The following RAB3C variants were observed in gnomAD, a reference collection of about 807,000 sequenced individuals.
RAB3C encodes the protein RAB3C, member RAS oncogene family, also known as ras-related protein Rab-3C.
In RAB3C, 17 loss-of-function variants were observed where a neutral mutation model predicts 26.4. That is an observed-to-expected ratio of 0.64 (90% CI 0.44 to 0.97). RAB3C has a LOEUF of 0.97. Among genes scored for constraint, RAB3C ranks in the 50% least tolerant of loss-of-function variants. RAB3C has a pLI of 0.00. For synonymous variants in RAB3C, 91 were observed against 95.9 expected, an observed-to-expected ratio of 0.95 and a Z score of 0.30; for missense variants, 242 against 281.9, an observed-to-expected ratio of 0.86 and a Z score of 1.01.
At chr5:58,745,392 CAAAAAAA>C (rs1173604247) in intron 3 of RAB3C, among the ~76,000 whole-genome samples, 425 of 33,102 alleles carry the variant, frequency 0.013, 2 homozygotes, top group African/African-American at 0.033. Flanking sequence ...GACTCTGCTT[CAAAAAAA>C]AAAAAAAAAA....
intron 1 of RAB3C, among the ~76,000 whole-genome samples, chr5:58,597,155 A>ATAGATAATACATTATC (rs1746325388): frequency 4.1e-5 from 2 of 49,278 alleles, no homozygotes; most frequent in Non-Finnish European, 8.6e-5. Context: ...ACTACATAAT[A>ATAGATAATACATTATC]TATATTATAT....
At chr5:58,617,587 A>G (rs2111722403) in intron 1 of RAB3C, 56 bp from the exon 2 acceptor site, 2 of 1,305,846 alleles carry the variant, frequency 1.5e-6, no homozygotes, top group Middle Eastern at 1.8e-4. Context: ...CTTCATATCA[A>G]ATGAGAGTCT....
chr5:58,845,564 A>T (rs1479755609), intron 4 of RAB3C, among the ~76,000 whole-genome samples: 2 of 142,360 alleles, frequency 1.4e-5, no homozygotes, highest in African/African-American at 5.4e-5. Context: ...GGCAACGTAC[A>T]TTCTCATTCA....
At chr5:58,776,499 T>C (rs1260370279) in intron 3 of RAB3C, among the ~76,000 whole-genome samples, 1 of 152,132 alleles carries the variant, frequency 6.6e-6, no homozygotes, top group Non-Finnish European at 1.5e-5. Flanking sequence ...AGCTTCAAAC[T>C]CCTTTTTCTA....
intron 3 of RAB3C, among the ~76,000 whole-genome samples, chr5:58,793,712 C>A (rs1742581305): frequency 6.6e-6 from 1 of 151,862 alleles, no homozygotes; most frequent in African/African-American, 2.4e-5. Flanking sequence ...AACCTTATCT[C>A]TGGAGAGACT....
intron 1 of RAB3C, among the ~76,000 whole-genome samples, chr5:58,586,137 AT>A (rs982583937): frequency 2.0e-5 from 3 of 152,076 alleles, no homozygotes; most frequent in African/African-American, 7.2e-5. Flanking sequence ...GTATAAAACA[AT>A]TTTTATATGT....
chr5:58,606,277 A>G (rs1239491298), intron 1 of RAB3C, among the ~76,000 whole-genome samples: 2 of 152,116 alleles, frequency 1.3e-5, no homozygotes, highest in South Asian at 4.1e-4. Context: ...TCCCACACCA[A>G]CGCAGCCTTG....
intron 2 of RAB3C, among the ~76,000 whole-genome samples, chr5:58,675,584 G>C (rs1270975308): frequency 6.7e-6 from 1 of 150,196 alleles, no homozygotes; most frequent in Non-Finnish European, 1.5e-5. Context: ...TCCCAACACA[G>C]CGTCAGCATC....
At chr5:58,671,950 A>G (rs1393093494) in intron 2 of RAB3C, among the ~76,000 whole-genome samples, 2 of 152,196 alleles carry the variant, frequency 1.3e-5, no homozygotes, top group Admixed American at 6.5e-5. Flanking sequence ...TCTAGAAAAA[A>G]AACTTTAATT....
chr5:58,629,091 A>G (rs1183844674), intron 2 of RAB3C, among the ~76,000 whole-genome samples: 1 of 151,912 alleles, frequency 6.6e-6, no homozygotes, highest in African/African-American at 2.4e-5. Flanking sequence ...TAATTTTTAA[A>G]AACACTTGAA....
chr5:58,753,908 A>C (rs1741590244), intron 3 of RAB3C, among the ~76,000 whole-genome samples: 2 of 152,140 alleles, frequency 1.3e-5, no homozygotes, highest in Admixed American at 6.5e-5. Flanking sequence ...TAGCCCTTTA[A>C]ATATTGCAAC....
intron 4 of RAB3C, among the ~76,000 whole-genome samples, chr5:58,831,497 A>G (rs893990815): frequency 2.0e-5 from 3 of 152,234 alleles, no homozygotes; most frequent in South Asian, 2.1e-4. Flanking sequence ...AATTCTTGGT[A>G]TCTCACTCTA....
intron 1 of RAB3C, among the ~76,000 whole-genome samples, chr5:58,599,506 C>T (rs1746403151): frequency 6.6e-6 from 1 of 152,132 alleles, no homozygotes; most frequent in African/African-American, 2.4e-5. Context: ...AATCCTCTCT[C>T]TGTGTTCTGG....
chr5:58,772,943 A>T (rs190161015), intron 3 of RAB3C, among the ~76,000 whole-genome samples: 138 of 152,292 alleles, frequency 9.1e-4, no homozygotes, highest in African/African-American at 3.1e-3. Context: ...GGTTTTAGGT[A>T]GGAAGGAAGA....
intron 3 of RAB3C, among the ~76,000 whole-genome samples, chr5:58,754,966 G>A (rs1205109057): frequency 1.3e-5 from 2 of 151,212 alleles, no homozygotes; most frequent in African/African-American, 4.9e-5. Context: ...ACTTGGGCAA[G>A]GAAACAAACA....
chr5:58,732,601 G>A, intron 3 of RAB3C, among the ~76,000 whole-genome samples: 1 of 152,054 alleles, frequency 6.6e-6, no homozygotes, highest in East Asian at 1.9e-4. Context: ...GAGTTCTTGT[G>A]GTCTCAAATG....
chr5:58,733,687 G>GAAAT (rs1450686248), intron 3 of RAB3C, among the ~76,000 whole-genome samples: 5 of 152,270 alleles, frequency 3.3e-5, no homozygotes, highest in African/African-American at 1.2e-4. Flanking sequence ...AGTAAGTATA[G>GAAAT]AAATACCAGA....
intron 2 of RAB3C, among the ~76,000 whole-genome samples, chr5:58,721,491 C>A (rs1391727142): frequency 6.6e-6 from 1 of 151,734 alleles, no homozygotes; most frequent in Non-Finnish European, 1.5e-5. Flanking sequence ...GAAAAGATAC[C>A]ATTTTAGTTA....
intron 3 of RAB3C, among the ~76,000 whole-genome samples, chr5:58,817,767 A>G (rs1743249235): frequency 6.6e-6 from 1 of 152,062 alleles, no homozygotes; most frequent in African/African-American, 2.4e-5. Context: ...GCTAATTTTT[A>G]AAAGCTCTCT....
Sources: gnomAD v4.1 joint callset for allele counts (sites outside exome capture counted in the v4.1 genomes callset) on GRCh38, gnomAD v4.1.1 for gene constraint, MANE v1.5 for transcripts, NCBI Gene and HGNC (gene_info 2026-07-23, HGNC 2026-07-21) for gene names.